CEP192: variants seen among roughly 807,000 people sequenced by gnomAD.
CEP192 encodes the protein centrosomal protein 192.
Under a neutral mutation model 271.8 loss-of-function variants are expected in CEP192, and 151 were observed. The observed-to-expected ratio is 0.56, with a 90% CI of 0.49 to 0.64. The LOEUF is 0.64. Among genes scored for constraint, CEP192 ranks in the 30% least tolerant of loss-of-function variants. The pLI is 0.00. For synonymous variants in CEP192, 995 were observed against 1,076.5 expected (o/e 0.92, Z 1.48); for missense variants, 2,910 against 3,020.5 (o/e 0.96, Z 0.86).
intron 13 of CEP192, among the ~76,000 whole-genome samples, chr18:13,039,066 C>T (rs2036062593): frequency 6.6e-6 from 1 of 152,124 alleles, no homozygotes; most frequent in South Asian, 2.1e-4. Flanking sequence ...AGTGATAAGT[C>T]CTGTAAAGCA....
rs1362003138 is a variant in CEP192, at chr18:13,030,011, A to T, written c.1390+9A>T. The T allele has an allele frequency of 2.0e-5, 30 of 1,520,190 alleles. No homozygotes were observed. Among genetic ancestry groups the T allele is most frequent in the Non-Finnish European group, 2.7e-5 (30 of 1,126,242 alleles). 94.2% of individuals were successfully genotyped at this position (1,520,190 alleles called of 1,614,324 possible). ...CGAAAAGAATAAAGACAGTAAGTGG[A>T]CTTTTTAAAAAATAGAGTGAAAGAA... On this transcript the variant is annotated intron_variant, in intron 10 of 44. Transcript: ENST00000506447.
At chr18:13,074,784 G>A (rs2038185377) in intron 30 of CEP192, among the ~76,000 whole-genome samples, 1 of 152,212 alleles carries the variant, frequency 6.6e-6, no homozygotes, top group African/African-American at 2.4e-5. Flanking sequence ...AGCCTGCAGA[G>A]TGGCGGAAGA....
At chr18:12,997,370 G>T (rs535846772) in intron 1 of CEP192, among the ~76,000 whole-genome samples, 1 of 152,166 alleles carries the variant, frequency 6.6e-6, no homozygotes, top group East Asian at 1.9e-4. Context: ...GGGGCGGCAG[G>T]GGGGAATCTG....
At chr18:13,109,350 T>C (rs1368388066) in intron 40 of CEP192, among the ~76,000 whole-genome samples, 7 of 152,158 alleles carry the variant, frequency 4.6e-5, no homozygotes, top group African/African-American at 9.7e-5. Context: ...TATTGGGTAC[T>C]CATGGATATA....
chr18:13,034,655 A>T (rs1383806411), intron 11 of CEP192, among the ~76,000 whole-genome samples: 1 of 151,626 alleles, frequency 6.6e-6, no homozygotes, highest in East Asian at 1.9e-4. Flanking sequence ...AAAAAAAAAA[A>T]AATACAAAAA....
At chr18:13,014,601 C>T (rs2034539806) in intron 5 of CEP192, among the ~76,000 whole-genome samples, 1 of 152,090 alleles carries the variant, frequency 6.6e-6, no homozygotes, top group Non-Finnish European at 1.5e-5. Context: ...TAACATTTGC[C>T]ATATTTTAAG....
At chr18:13,017,125 T>G (rs1284690044) in intron 6 of CEP192, 63 bp from the exon 7 acceptor site, 1 of 1,340,048 alleles carries the variant, frequency 7.5e-7, no homozygotes, top group African/African-American at 1.5e-5. Context: ...CCTTTTTAAT[T>G]ACAAATTATT....
rs2033463451 is a variant in CEP192 at position 12,999,360 on chromosome 18, T to C, written c.-4-61T>C. 7 of 1,270,194 alleles carry C rather than the reference T, an allele frequency of 5.5e-6. No individual in the cohort carries two copies. The South Asian group carries it at 1.0e-4, about 19-fold the overall frequency. The allele number at this position is 1,270,194 out of a possible 1,614,324, so 78.7% of individuals were successfully genotyped here. On this transcript the variant is annotated intron_variant, in intron 1 of 44. Coordinates refer to ENST00000506447, the MANE Select transcript of CEP192 (RefSeq NM_032142.4). ...TATTAGTTTTCTAAGACAATGCTTTTAATCATTTAAAAACATTTTATAGTA... is the reference window on the plus strand; with the variant it reads ...TATTAGTTTTCTAAGACAATGCTTTCAATCATTTAAAAACATTTTATAGTA...
At chr18:12,999,032 T>C (rs1013491352) in intron 1 of CEP192, among the ~76,000 whole-genome samples, 66 of 152,224 alleles carry the variant, frequency 4.3e-4, no homozygotes, top group Admixed American at 4.2e-3. Context: ...AGAATGAGTA[T>C]GTAACTACCA....
At chr18:13,039,655 G>T (rs2036098600) in intron 13 of CEP192, among the ~76,000 whole-genome samples, 1 of 152,080 alleles carries the variant, frequency 6.6e-6, no homozygotes, top group African/African-American at 2.4e-5. Flanking sequence ...ATGATTCCAG[G>T]GGCCAAATCA....
intron 3 of CEP192, 72 bp from the exon 4 acceptor site, chr18:13,008,384 A>C: frequency 9.4e-7 from 1 of 1,062,678 alleles, no homozygotes; most frequent in East Asian, 2.6e-5. Flanking sequence ...TACATAACTG[A>C]TTAATAAATA....
At chr18:13,084,563 C>A (rs867333344) in intron 30 of CEP192, among the ~76,000 whole-genome samples, 1 of 152,160 alleles carries the variant, frequency 6.6e-6, no homozygotes, top group Non-Finnish European at 1.5e-5. Context: ...GGAAATCCCC[C>A]GACCCCTTGT....
chr18:13,103,555 G>A lies in CEP192; in HGVS notation c.6918G>A (p.Trp2306Ter). ...ATCATGGCACCACAGACGTGAAATGGCATCTGTCATCTTTAGCGCCACCTT... is the reference window on the plus strand; with the variant it reads ...ATCATGGCACCACAGACGTGAAATGACATCTGTCATCTTTAGCGCCACCTT... ...LENHGTTDVKWHLSSLAPPYV... is the reference protein window; with the variant it reads ...LENHGTTDVK Residue 2306 changes from tryptophan to a stop codon, truncating the protein, a stop_gained, in exon 39 of 45, where the codon TGG (tryptophan) becomes TGA (stop). Transcript: ENST00000506447. LOFTEE classifies it high-confidence loss of function. The A allele has an allele frequency of 1.9e-6, 3 of 1,613,968 alleles. No homozygotes were observed. The highest frequency in any genetic ancestry group is 2.2e-5 in the South Asian group (2 of 91,086).
rs759376925 is a variant in CEP192 at position 13,067,900 on chromosome 18, C to T, written c.4558C>T (p.Leu1520=). Reference sequence around the variant, plus strand: ...TTATGGAGGCTGGAAAGCCCTCCCACTAAAATTGATAAACCGAACGCATGC... The same window carrying T: ...TTATGGAGGCTGGAAAGCCCTCCCATTAAAATTGATAAACCGAACGCATGC... ...LTYGGWKALP[L]KLINRTHATV... Residue 1520 remains leucine, a synonymous_variant, in exon 22 of 45, where the codon CTA becomes TTA. Coordinates refer to ENST00000506447, the MANE Select transcript of CEP192 (RefSeq NM_032142.4). 9 of 1,613,050 alleles carry T rather than the reference C, an allele frequency of 5.6e-6. No homozygotes were observed. The highest frequency in any genetic ancestry group is 5.9e-6 in the Non-Finnish European group (7 of 1,179,154).
chr18:13,028,597 G>T (rs138348582), intron 9 of CEP192, among the ~76,000 whole-genome samples: 1 of 152,104 alleles, frequency 6.6e-6, no homozygotes, highest in Non-Finnish European at 1.5e-5. Flanking sequence ...TTGGCTCACT[G>T]CAACCTCCGC....
Position 13,087,280 on chromosome 18 carries a change from A to G in CEP192, c.5877+3A>G. On this transcript the variant is annotated splice_donor_region_variant and intron_variant, in intron 31 of 44. Transcript: ENST00000506447. ...TACTCAAGGAAAGAACACAAGAAGTAAGTACAAAAGTTTCTGTGCTAAAAA... is the reference window on the plus strand; with the variant it reads ...TACTCAAGGAAAGAACACAAGAAGTGAGTACAAAAGTTTCTGTGCTAAAAA... 6.3e-7 allele frequency: 1 copy of G among 1,584,238 alleles called. No individual in the cohort carries two copies. Among genetic ancestry groups the G allele is most frequent in the Admixed American group, 1.8e-5 (1 of 56,674 alleles).
At chr18:13,061,870 T>C (rs2037426645) in intron 21 of CEP192, among the ~76,000 whole-genome samples, 1 of 152,246 alleles carries the variant, frequency 6.6e-6, no homozygotes, top group Admixed American at 6.5e-5. Context: ...TCTCCAAACA[T>C]GGTCAAGCCA....
At chr18:12,997,231 A>G (rs2033305965) in intron 1 of CEP192, among the ~76,000 whole-genome samples, 1 of 152,076 alleles carries the variant, frequency 6.6e-6, no homozygotes, top group African/African-American at 2.4e-5. Context: ...TTTAGGAATC[A>G]GACCGAGGGG....
At chr18:13,069,704 C>T (rs757987560) in intron 26 of CEP192, 34 bp from the exon 27 acceptor site, 10 of 1,263,718 alleles carry the variant, frequency 7.9e-6, no homozygotes, top group East Asian at 4.7e-5. Context: ...TTTTGTAAGT[C>T]GGCATTCAAT....
Sources: gnomAD v4.1 joint callset for allele counts (sites outside exome capture counted in the v4.1 genomes callset) on GRCh38, gnomAD v4.1.1 for gene constraint, MANE v1.5 for transcripts, NCBI Gene and HGNC (gene_info 2026-07-23, HGNC 2026-07-21) for gene names.